The following FAM13A variants were observed in gnomAD, a reference collection of about 807,000 sequenced individuals.
The protein encoded by FAM13A is protein FAM13A.
Under a neutral mutation model 129.6 loss-of-function variants are expected in FAM13A, and 76 were observed. The ratio of observed to expected loss-of-function variants is 0.59; its 90% CI spans 0.49 to 0.71. The LOEUF (loss-of-function observed/expected upper bound fraction) is 0.71, where lower values mean the gene tolerates loss of function less well. Among genes scored for constraint, FAM13A ranks in the 30% least tolerant of loss-of-function variants. The probability of loss-of-function intolerance (pLI) is 0.00; values close to 1 mark genes in which losing one functional copy is unlikely to be tolerated. For synonymous variants in FAM13A, 443 were observed against 449.9 expected (o/e 0.98, Z 0.20); for missense variants, 1,108 against 1,249.3 (o/e 0.89, Z 1.70).
chr4:88,750,814 T>C (rs1452282003), intron 14 of FAM13A, among the ~76,000 whole-genome samples, 177 bp from the exon 15 acceptor site: 1 of 152,208 alleles, frequency 6.6e-6, no homozygotes, highest in Non-Finnish European at 1.5e-5. Context: ...AAATCACCAA[T>C]ATGTCTGACA....
intron 8 of FAM13A, among the ~76,000 whole-genome samples, chr4:88,802,927 TTC>T (rs1273822734): frequency 6.6e-6 from 1 of 152,218 alleles, no homozygotes; most frequent in Non-Finnish European, 1.5e-5. Flanking sequence ...TGCTCTCATC[TTC>T]TGTCTGTTCT....
intron 1 of FAM13A, among the ~76,000 whole-genome samples, chr4:89,036,345 G>T (rs1298723597): frequency 6.6e-6 from 1 of 152,164 alleles, no homozygotes; most frequent in Non-Finnish European, 1.5e-5. Flanking sequence ...TTGAACTTAA[G>T]AGAGATGATT....
intron 7 of FAM13A, among the ~76,000 whole-genome samples, chr4:88,848,156 T>C (rs2149971706): frequency 6.6e-6 from 1 of 152,326 alleles, no homozygotes; most frequent in East Asian, 1.9e-4. Context: ...CAACTGTTCC[T>C]CATTGGCCAA....
chr4:88,879,472 T>C (rs1468992711), intron 6 of FAM13A, among the ~76,000 whole-genome samples: 2 of 152,186 alleles, frequency 1.3e-5, no homozygotes, highest in Non-Finnish European at 2.9e-5. Context: ...TCTCTAAGCC[T>C]GCTTTCTTAC....
intron 14 of FAM13A, among the ~76,000 whole-genome samples, chr4:88,751,015 A>G (rs1742482899): frequency 1.3e-5 from 2 of 152,160 alleles, no homozygotes; most frequent in Admixed American, 6.5e-5. Context: ...GCCAAGGCGG[A>G]CGGATCACCT....
intron 4 of FAM13A, chr4:88,990,771 G>T: frequency 2.3e-6 from 1 of 438,538 alleles, no homozygotes; most frequent in Non-Finnish European, 4.0e-6. Flanking sequence ...GCAAATTATA[G>T]TTTTGTAAAA....
At chr4:88,980,988 T>G (rs1040431753) in intron 4 of FAM13A, among the ~76,000 whole-genome samples, 1 of 152,218 alleles carries the variant, frequency 6.6e-6, no homozygotes, top group African/African-American at 2.4e-5. Flanking sequence ...AGAAAAAATG[T>G]AACATCTTGG....
At chr4:88,920,696 A>G (rs1300947601) in intron 5 of FAM13A, among the ~76,000 whole-genome samples, 1 of 152,220 alleles carries the variant, frequency 6.6e-6, no homozygotes, top group African/African-American at 2.4e-5. Flanking sequence ...ACAAAGCTGG[A>G]CGGAGAACAA....
chr4:88,785,798 T>G (rs551457050), intron 10 of FAM13A, among the ~76,000 whole-genome samples: 1 of 152,284 alleles, frequency 6.6e-6, no homozygotes, highest in South Asian at 2.1e-4. Flanking sequence ...AGCCGTTCAG[T>G]GTGGGCTGGG....
chr4:88,776,663 T>G (rs1456229739), intron 11 of FAM13A, among the ~76,000 whole-genome samples: 1 of 152,148 alleles, frequency 6.6e-6, no homozygotes, highest in African/African-American at 2.4e-5. Context: ...TATATATGGT[T>G]TTTTTGATAT....
chr4:89,005,380 C>T (rs950044697), intron 3 of FAM13A, among the ~76,000 whole-genome samples: 1 of 152,148 alleles, frequency 6.6e-6, no homozygotes, highest in African/African-American at 2.4e-5. Context: ...TGAAAATTCA[C>T]ATGCATGTGT....
At chr4:89,054,247 G>T (rs1771944529) in intron 1 of FAM13A, among the ~76,000 whole-genome samples, 2 of 151,604 alleles carry the variant, frequency 1.3e-5, no homozygotes, top group Admixed American at 1.3e-4. Flanking sequence ...ACCAATTTGT[G>T]TCCCACTTCA....
chr4:89,010,039 T>C (rs1017378065), intron 3 of FAM13A, among the ~76,000 whole-genome samples: 2 of 152,198 alleles, frequency 1.3e-5, no homozygotes, highest in African/African-American at 2.4e-5. Context: ...ACAGTCTTTA[T>C]TTTTTATTTG....
chr4:88,874,952 A>G (rs1430813917), intron 6 of FAM13A, among the ~76,000 whole-genome samples: 1 of 152,210 alleles, frequency 6.6e-6, no homozygotes, highest in East Asian at 1.9e-4. Context: ...GATATAGATC[A>G]ATGGAACAGA....
chr4:88,834,055 A>ATTTTTTTTTTTTTTTT (rs922832858), intron 7 of FAM13A, among the ~76,000 whole-genome samples: 1 of 84,218 alleles, frequency 1.2e-5, no homozygotes. Context: ...AGGCCTGGCT[A>ATTTTTTTTTTTTTTTT]TTTTTTTTTT....
intron 14 of FAM13A, among the ~76,000 whole-genome samples, chr4:88,752,911 A>G (rs1490404904): frequency 6.6e-6 from 1 of 152,238 alleles, no homozygotes; most frequent in East Asian, 1.9e-4. Context: ...CTTGAACAGT[A>G]ATGCAGCAGG....
chr4:88,730,959 C>T (rs561478834), intron 23 of FAM13A, among the ~76,000 whole-genome samples: 44 of 152,246 alleles, frequency 2.9e-4, no homozygotes, highest in Middle Eastern at 6.8e-3. Flanking sequence ...CCACTACGGC[C>T]GCTTGGCTAA....
chr4:88,870,840 T>A (rs970732565), intron 6 of FAM13A, among the ~76,000 whole-genome samples: 1 of 152,192 alleles, frequency 6.6e-6, no homozygotes, highest in African/African-American at 2.4e-5. Context: ...CAGAACTCTG[T>A]GTAGCCTAAC....
At chr4:88,908,858 TGCAGCAAGCAG>T (rs1280772009) in intron 5 of FAM13A, among the ~76,000 whole-genome samples, 1 of 152,074 alleles carries the variant, frequency 6.6e-6, no homozygotes, top group East Asian at 1.9e-4. Context: ...CTCCCACCCT[TGCAGCAAGCAG>T]CGAGCAAGGG....
Sources: allele counts gnomAD v4.1 joint callset (sites outside exome capture counted in the v4.1 genomes callset), GRCh38; gene constraint gnomAD v4.1.1; transcripts MANE v1.5; gene names NCBI Gene and HGNC (gene_info 2026-07-23, HGNC 2026-07-21).